The following TMEM178B variants were observed in gnomAD, a reference collection of about 807,000 sequenced individuals.
The protein encoded by TMEM178B is transmembrane protein 178B.
Under a neutral mutation model 31.0 loss-of-function variants are expected in TMEM178B, and 5 were observed. That is an observed-to-expected ratio of 0.16 (90% CI 0.08 to 0.34). The LOEUF (loss-of-function observed/expected upper bound fraction) is 0.34, where lower values mean the gene tolerates loss of function less well. Ranked by LOEUF, TMEM178B falls within the 10% of genes least tolerant of loss-of-function variation. The pLI is 1.00. For missense variants in TMEM178B, 275 were observed against 400.3 expected (o/e 0.69, Z 2.67); for synonymous variants, 164 against 164.0 (o/e 1.00, Z 0.00).
intron 1 of TMEM178B, among the ~76,000 whole-genome samples, chr7:141,140,845 C>T (rs1795756823): frequency 6.6e-6 from 1 of 152,218 alleles, no homozygotes; most frequent in Non-Finnish European, 1.5e-5. Flanking sequence ...CCATTTTCAT[C>T]ACTGTGTATC....
intron 1 of TMEM178B, chr7:141,173,176 A>C (rs543867024): frequency 6.6e-6 from 1 of 152,360 alleles, no homozygotes; most frequent in South Asian, 2.1e-4. Flanking sequence ...TGGAATGAAC[A>C]TTATAGAGAA....
At chr7:141,342,260 A>G (rs1027204153) in intron 2 of TMEM178B, among the ~76,000 whole-genome samples, 4 of 152,188 alleles carry the variant, frequency 2.6e-5, no homozygotes, top group Non-Finnish European at 5.9e-5. Flanking sequence ...TATAACTTAT[A>G]AGCAAAGTGT....
At chr7:141,102,146 A>G (rs2129173950) in intron 1 of TMEM178B, among the ~76,000 whole-genome samples, 1 of 152,300 alleles carries the variant, frequency 6.6e-6, no homozygotes, top group African/African-American at 2.4e-5. Context: ...GAGATTTTGT[A>G]ATTAGTAGTT....
chr7:141,142,269 G>A (rs531943996), intron 1 of TMEM178B, among the ~76,000 whole-genome samples: 61 of 152,318 alleles, frequency 4.0e-4, no homozygotes, highest in South Asian at 1.2e-3. Context: ...TGGCATATAT[G>A]TACCACATTT....
chr7:141,109,292 T>G (rs957940926), intron 1 of TMEM178B, among the ~76,000 whole-genome samples: 1 of 150,634 alleles, frequency 6.6e-6, no homozygotes, highest in South Asian at 2.1e-4. Flanking sequence ...AGGTAAGGGG[T>G]GGTGAAAGGG....
intron 1 of TMEM178B, among the ~76,000 whole-genome samples, chr7:141,133,410 A>ACATC (rs1354658942): frequency 2.6e-5 from 4 of 152,142 alleles, no homozygotes; most frequent in African/African-American, 9.7e-5. Flanking sequence ...AACCAAACAG[A>ACATC]CATCCCATAA....
chr7:141,218,319 A>G (rs770831545), intron 2 of TMEM178B, among the ~76,000 whole-genome samples: 1 of 152,130 alleles, frequency 6.6e-6, no homozygotes, highest in Non-Finnish European at 1.5e-5. Flanking sequence ...AGAGGAGAAG[A>G]GGAGGGAGGG....
At chr7:141,126,811 A>G (rs563363727) in intron 1 of TMEM178B, among the ~76,000 whole-genome samples, 8 of 151,912 alleles carry the variant, frequency 5.3e-5, no homozygotes, top group Admixed American at 2.6e-4. Flanking sequence ...CCCTGGGGGA[A>G]TTTTGAGACC....
Position 141,095,928 on chromosome 7 carries a change from C to A in TMEM178B, c.382+21236C>A, listed in dbSNP as rs375214527. Among the ~76,000 whole-genome samples the A allele has an allele frequency of 1.4e-4, 22 of 152,294 alleles. 1 individual carries two copies. Among genetic ancestry groups the A allele is most frequent in the African/African-American group, 5.3e-4 (22 of 41,558 alleles). On this transcript the variant is annotated intron_variant, in intron 1 of 3. Transcript: ENST00000565468. ...TTTCCTGTTTTGTACTTTTACCTGT[C>A]TTTCATCACCTGGTATCCATAGGAG...
At chr7:141,456,355 C>A (rs1801963254) in intron 3 of TMEM178B, among the ~76,000 whole-genome samples, 1 of 152,166 alleles carries the variant, frequency 6.6e-6, no homozygotes, top group South Asian at 2.1e-4. Flanking sequence ...CACTTATGGG[C>A]AAGGATGGGA....
At chr7:141,351,377 C>T (rs112466726) in intron 2 of TMEM178B, among the ~76,000 whole-genome samples, 1,737 of 152,342 alleles carry the variant, frequency 0.011, 38 homozygotes, top group African/African-American at 0.039. Flanking sequence ...TGGCCTTAGC[C>T]GGAACGGCTG....
rs530865191 is a variant in TMEM178B at position 141,237,778 on chromosome 7, C to T, written c.496+25074C>T. Reference sequence around the variant, plus strand: ...GTGTCTCACACCTGTAATCCCAGCACTTTGGGAGGCTGAGGCGGGCAGATC... The same window carrying T: ...GTGTCTCACACCTGTAATCCCAGCATTTTGGGAGGCTGAGGCGGGCAGATC... On this transcript the variant is annotated intron_variant, in intron 2 of 3. Transcript: ENST00000565468. Among the ~76,000 whole-genome samples, 5 of 152,298 alleles carry T rather than the reference C, an allele frequency of 3.3e-5. No homozygotes were observed. In the East Asian group the frequency reaches 9.7e-4, roughly 29 times the overall value.
chr7:141,451,839 C>A (rs1801868704), intron 3 of TMEM178B, among the ~76,000 whole-genome samples: 1 of 152,146 alleles, frequency 6.6e-6, no homozygotes, highest in African/African-American at 2.4e-5. Flanking sequence ...CACTACCAAC[C>A]CACTTCATCT....
rs190546502 is a variant in TMEM178B, at chr7:141,167,843, T to G, written c.383-44748T>G. Reference sequence around the variant, plus strand: ...AGCAATCTGAGAAGCCTACCCGTTGTGCCCCAGGGAAGCAGCTTTTTCCTG... The same window carrying G: ...AGCAATCTGAGAAGCCTACCCGTTGGGCCCCAGGGAAGCAGCTTTTTCCTG... On this transcript the variant is annotated intron_variant, in intron 1 of 3. Transcript: ENST00000565468. Among the ~76,000 whole-genome samples the G allele has an allele frequency of 1.1e-3, 165 of 152,348 alleles. 1 individual carries two copies. The highest frequency in any genetic ancestry group is 3.8e-3 in the African/African-American group (160 of 41,586).
chr7:141,201,030 A>G (rs1050685458), intron 1 of TMEM178B, among the ~76,000 whole-genome samples: 48 of 152,208 alleles, frequency 3.2e-4, no homozygotes, highest in African/African-American at 1.1e-3. Context: ...GCTGGAACAA[A>G]TAGAAGATCC....
At chr7:141,213,574 G>A (rs1464336336) in intron 2 of TMEM178B, among the ~76,000 whole-genome samples, 1 of 152,128 alleles carries the variant, frequency 6.6e-6, no homozygotes, top group Non-Finnish European at 1.5e-5. Flanking sequence ...ATGTGAAGGA[G>A]GATTCTTTTA....
At chr7:141,215,337 A>ATTATTATTATTATTTTTTTTTT (rs55726735) in intron 2 of TMEM178B, among the ~76,000 whole-genome samples, 1 of 141,486 alleles carries the variant, frequency 7.1e-6, no homozygotes, top group Non-Finnish European at 1.5e-5. Flanking sequence ...TATTATTATT[A>ATTATTATTATTATTTTTTTTTT]TTTTTTGAGA....
intron 2 of TMEM178B, among the ~76,000 whole-genome samples, chr7:141,283,839 A>G (rs1485921353): frequency 6.6e-6 from 1 of 152,310 alleles, no homozygotes; most frequent in African/African-American, 2.4e-5. Context: ...TCCTCTTTCT[A>G]AGTGTGAAAG....
chr7:141,135,854 G>A (rs1349997764), intron 1 of TMEM178B, among the ~76,000 whole-genome samples: 1 of 151,926 alleles, frequency 6.6e-6, no homozygotes, highest in Non-Finnish European at 1.5e-5. Flanking sequence ...TCCCAAATTA[G>A]TAAAAGGAAA....
Sources: gnomAD v4.1 joint callset for allele counts (sites outside exome capture counted in the v4.1 genomes callset) on GRCh38, gnomAD v4.1.1 for gene constraint, MANE v1.5 for transcripts, NCBI Gene and HGNC (gene_info 2026-07-23, HGNC 2026-07-21) for gene names.